The following MACF1 variants were observed in gnomAD, a reference collection of about 807,000 sequenced individuals.
MACF1 encodes microtubule-actin cross-linking factor 1.
A neutral mutation model predicts 854.8 loss-of-function variants in MACF1; 193 were observed. The observed-to-expected ratio is 0.23, with a 90% CI of 0.20 to 0.25. The LOEUF (loss-of-function observed/expected upper bound fraction) is 0.25. Ranked by LOEUF, MACF1 falls within the 10% of genes least tolerant of loss-of-function variation. The pLI is 1.00. For synonymous variants in MACF1, 3,185 were observed against 3,226.7 expected (o/e 0.99, Z 0.44); for missense variants, 7,722 against 8,929.1 (o/e 0.86, Z 5.45).
At chr1:39,418,679 A>G (rs1643420065) in intron 58 of MACF1, among the ~76,000 whole-genome samples, 1 of 152,244 alleles carries the variant, frequency 6.6e-6, no homozygotes, top group Non-Finnish European at 1.5e-5. Flanking sequence ...CCTGGCCAAC[A>G]TGGTGAAACC....
chr1:39,218,611 T>C (rs375704584), intron 1 of MACF1, among the ~76,000 whole-genome samples: 2 of 152,208 alleles, frequency 1.3e-5, no homozygotes, highest in East Asian at 1.9e-4. Context: ...TTTCTTCCTC[T>C]TGTGTTCTTA....
intron 2 of MACF1, among the ~76,000 whole-genome samples, chr1:39,181,123 G>C (rs1644099762): frequency 6.6e-6 from 1 of 152,168 alleles, no homozygotes; most frequent in South Asian, 2.1e-4. Flanking sequence ...GTCCAGGCTG[G>C]CTTCGAACTC....
rs1418277199 is a variant in MACF1, at chr1:39,262,993, G to C, written c.528+4965G>C. On this transcript the variant is annotated intron_variant, in intron 6 of 100. Coordinates refer to ENST00000564288, the MANE Select transcript of MACF1 (RefSeq NM_001394062.1). ...GCCCCCCCACCCCCCGCCTCGTCTT[G>C]CATCAGATTTGGCATGGTATGTCTT... 4.8e-5 allele frequency among the ~76,000 whole-genome samples: 6 copies of C among 125,840 alleles called. No individual in the cohort carries two copies. The Admixed American group carries it at 6.0e-4, about 12-fold the overall frequency. 82.6% of individuals were successfully genotyped at this position (125,840 alleles called of 152,430 possible). A position where few individuals can be genotyped will look rare whatever the true frequency, so the allele number is the denominator to read the frequency against.
chr1:39,218,652 CTTTT>C (rs1644608674), intron 1 of MACF1, among the ~76,000 whole-genome samples: 2 of 152,316 alleles, frequency 1.3e-5, no homozygotes, highest in South Asian at 4.1e-4. Flanking sequence ...TGGCTCTCTT[CTTTT>C]GTTACCGTGC....
chr1:39,258,693 A>G (rs1380380858), intron 6 of MACF1, among the ~76,000 whole-genome samples: 1 of 152,190 alleles, frequency 6.6e-6, no homozygotes, highest in Non-Finnish European at 1.5e-5. Context: ...AAACAAAGCT[A>G]TTTCTCAGAC....
intron 2 of MACF1, among the ~76,000 whole-genome samples, chr1:39,098,785 AC>A (rs1641996066): frequency 6.6e-6 from 1 of 152,076 alleles, no homozygotes; most frequent in Non-Finnish European, 1.5e-5. Flanking sequence ...GGTGGCTGGC[AC>A]CCTCCAGGCC....
intron 58 of MACF1, among the ~76,000 whole-genome samples, chr1:39,394,411 C>G (rs987081647): frequency 1.3e-5 from 2 of 152,056 alleles, no homozygotes; most frequent in African/African-American, 4.8e-5. Context: ...CACCTGAGGT[C>G]AGGAGTTCGA....
intron 15 of MACF1, among the ~76,000 whole-genome samples, chr1:39,288,747 G>C (rs376914551): frequency 2.0e-5 from 3 of 152,118 alleles, no homozygotes; most frequent in Non-Finnish European, 4.4e-5. Flanking sequence ...AGCCAAGATC[G>C]CACCACTGCG....
At chr1:39,398,424 C>T (rs1642356365) in intron 58 of MACF1, among the ~76,000 whole-genome samples, 1 of 152,046 alleles carries the variant, frequency 6.6e-6, no homozygotes, top group Admixed American at 6.6e-5. Flanking sequence ...CAGGAATGAG[C>T]CACAGTGCCT....
intron 1 of MACF1, among the ~76,000 whole-genome samples, chr1:39,226,812 C>T (rs1284456692): frequency 6.6e-6 from 1 of 151,808 alleles, no homozygotes; most frequent in Non-Finnish European, 1.5e-5. Flanking sequence ...TGACCTATTA[C>T]AGCAAACATA....
chr1:39,242,210 C>T (rs556737499), intron 2 of MACF1, among the ~76,000 whole-genome samples: 110 of 151,876 alleles, frequency 7.2e-4, no homozygotes, highest in African/African-American at 2.5e-3. Context: ...ATTAGCTGGG[C>T]GTAGCAGCGC....
chr1:39,383,856 A>C (rs1650464034), intron 56 of MACF1, among the ~76,000 whole-genome samples: 1 of 152,066 alleles, frequency 6.6e-6, no homozygotes, highest in African/African-American at 2.4e-5. Flanking sequence ...CAGCCTGGGC[A>C]ACAGAGCGAG....
At chr1:39,381,858 G>C in intron 55 of MACF1, 95 bp from the exon 56 acceptor site, 1 of 854,352 alleles carries the variant, frequency 1.2e-6, no homozygotes, top group Non-Finnish European at 2.0e-6. Flanking sequence ...AACGCTTCTG[G>C]GGTCATTTCC....
rs1464058578 is a variant in MACF1 at position 39,361,620 on chromosome 1, G to T, written c.12714G>T (p.Met4238Ile). 6.2e-7 allele frequency: 1 copy of T among 1,614,214 alleles called. No homozygotes were observed. Among genetic ancestry groups the T allele is most frequent in the South Asian group, 1.1e-5 (1 of 91,084 alleles). ...AGTTCATGGAAAACAAAAGTCGGAT[G>T]CTGGCCTCTGGAAATCAGCCAGATC... ...LQQFMENKSR[M>I]LASGNQPDQD... Residue 4238 changes from methionine (M) to isoleucine (I), a missense_variant, in exon 49 of 101, where the codon ATG (methionine) becomes ATT (isoleucine). Met to Ile is a conservative substitution (Grantham distance 10). This residue lies in a region of MACF1 where 2,807 missense variants were observed against 3,235.8 expected (regional missense o/e 0.87). Coordinates refer to ENST00000564288, the MANE Select transcript of MACF1 (RefSeq NM_001394062.1).
chr1:39,477,112 CTTAGTGTATATATATAT>C lies in MACF1; in HGVS notation c.21959-2685_21959-2669del, dbSNP rs1215319223. Among the ~76,000 whole-genome samples, 380 of 83,350 alleles carry C rather than the reference CTTAGTGTATATATATAT, an allele frequency of 4.6e-3. 32 individuals carry two copies. The highest frequency in any genetic ancestry group is 0.016 in the African/African-American group (345 of 21,758). The allele number at this position is 83,350 out of a possible 152,430, so 54.7% of individuals were successfully genotyped here. A position where few individuals can be genotyped will look rare whatever the true frequency, so the allele number is the denominator to read the frequency against. On this transcript the variant is annotated intron_variant, in intron 97 of 100. Transcript: ENST00000564288. Reference sequence around the variant, plus strand: ...ATATACACACACACACATATATACACTTAGTGTATATATATATATATATACACACACACACACACACA... The same window carrying C: ...ATATACACACACACACATATATACACATATATACACACACACACACACACA...
intron 63 of MACF1, among the ~76,000 whole-genome samples, chr1:39,428,631 G>A (rs1643800236): frequency 6.6e-6 from 1 of 152,188 alleles, no homozygotes; most frequent in South Asian, 2.1e-4. Context: ...AACAAAACCA[G>A]ATCTATCTGT....
At chr1:39,329,936 C>T (rs370358742) in intron 36 of MACF1, among the ~76,000 whole-genome samples, 2 of 152,180 alleles carry the variant, frequency 1.3e-5, no homozygotes, top group East Asian at 3.8e-4. Flanking sequence ...TCTGGGAGGA[C>T]AAACAAGATT....
chr1:39,121,440 TTTTA>T (rs551997214), intron 2 of MACF1, among the ~76,000 whole-genome samples: 40 of 152,092 alleles, frequency 2.6e-4, no homozygotes, highest in African/African-American at 8.2e-4. Context: ...TTTTGTTTTA[TTTTA>T]TTTATTTATT....
chr1:39,283,596 C>T lies in MACF1; in HGVS notation c.915+81C>T, dbSNP rs1571264442. On this transcript the variant is annotated intron_variant, in intron 9 of 100. Transcript: ENST00000564288. This position sits in a 1 kb window ranked among gnomAD's most constrained non-coding sequence, Gnocchi z 4.5. ...CATTGGTTAGACACTTTCTTAAGCA[C>T]TTATGGTATACTCATGGTATCAAAC... 9.5e-6 allele frequency: 9 copies of T among 946,900 alleles called. No homozygotes were observed. The East Asian group carries it at 2.2e-4, about 23-fold the overall frequency. 58.7% of individuals were successfully genotyped at this position (946,900 alleles called of 1,614,324 possible).
Sources: gnomAD v4.1 joint callset for allele counts (sites outside exome capture counted in the v4.1 genomes callset) on GRCh38, gnomAD v4.1.1 for gene constraint, gnomAD v4.1.1 regional missense constraint, Gnocchi (gnomAD v3.1) non-coding constraint, MANE v1.5 for transcripts, NCBI Gene and HGNC (gene_info 2026-07-23, HGNC 2026-07-21) for gene names.